PPARGC1A: variants seen among roughly 807,000 people sequenced by gnomAD.
The protein encoded by PPARGC1A is PPARG coactivator 1 alpha.
PPARGC1A carries 25 observed loss-of-function variants against 88.7 expected under a neutral mutation model. That is an observed-to-expected ratio of 0.28 (90% CI 0.21 to 0.39). The LOEUF (loss-of-function observed/expected upper bound fraction) is 0.39, where lower values mean the gene tolerates loss of function less well. Ranked by LOEUF, PPARGC1A falls within the 10% of genes least tolerant of loss-of-function variation. The pLI is 1.00. For missense variants in PPARGC1A, 880 were observed against 968.7 expected, an observed-to-expected ratio of 0.91 and a Z score of 1.22; for synonymous variants, 363 against 355.6, an observed-to-expected ratio of 1.02 and a Z score of -0.24.
the PPARGC1A span, among the ~76,000 whole-genome samples, chr4:24,387,297 A>G: frequency 4.6e-5 from 7 of 152,236 alleles, no homozygotes; most frequent in African/African-American, 1.7e-4. Flanking sequence ...ACCCTAGAAG[A>G]AAACCTAGAC....
chr4:24,168,901 G>T, the PPARGC1A span, among the ~76,000 whole-genome samples: 2 of 152,164 alleles, frequency 1.3e-5, no homozygotes, highest in Non-Finnish European at 2.9e-5. Flanking sequence ...TGCTGTCTTT[G>T]AGGCAGTAGA....
chr4:24,012,039 A>G, the PPARGC1A span, among the ~76,000 whole-genome samples: 1 of 152,308 alleles, frequency 6.6e-6, no homozygotes, highest in African/African-American at 2.4e-5. Flanking sequence ...ATCTGGTTTT[A>G]TATTATAACT....
the PPARGC1A span, among the ~76,000 whole-genome samples, chr4:23,932,065 G>C: frequency 6.6e-6 from 1 of 152,178 alleles, no homozygotes; most frequent in African/African-American, 2.4e-5. Flanking sequence ...CCATAGTGGT[G>C]GTGGTCATAG....
At chr4:24,204,978 C>G in the PPARGC1A span, among the ~76,000 whole-genome samples, 1 of 152,030 alleles carries the variant, frequency 6.6e-6, no homozygotes, top group Non-Finnish European at 1.5e-5. Context: ...CCCGCCACCA[C>G]GCCCAGCTAA....
At chr4:24,128,581 C>T in the PPARGC1A span, among the ~76,000 whole-genome samples, 1,111 of 126,444 alleles carry the variant, frequency 8.8e-3, 12 homozygotes, top group African/African-American at 0.032. Flanking sequence ...TGTGTGTGTG[C>T]ACGCGCATCT....
the PPARGC1A span, among the ~76,000 whole-genome samples, chr4:24,059,268 G>A: frequency 6.6e-6 from 1 of 152,102 alleles, no homozygotes; most frequent in Non-Finnish European, 1.5e-5. Context: ...ACAGCATCTG[G>A]CCTCACCAGA....
At chr4:24,393,131 C>G in the PPARGC1A span, among the ~76,000 whole-genome samples, 26 of 152,112 alleles carry the variant, frequency 1.7e-4, no homozygotes, top group Middle Eastern at 0.01. Context: ...CTACAAACTT[C>G]CTGGCAAAAT....
At chr4:24,329,835 A>G in the PPARGC1A span, among the ~76,000 whole-genome samples, 15 of 152,226 alleles carry the variant, frequency 9.9e-5, no homozygotes, top group African/African-American at 3.4e-4. Flanking sequence ...TTGACTGCCT[A>G]TGAGAGAATC....
chr4:24,290,214 T>C, the PPARGC1A span, among the ~76,000 whole-genome samples: 60 of 152,188 alleles, frequency 3.9e-4, no homozygotes, highest in Non-Finnish European at 7.9e-4. Flanking sequence ...CTTTTTTTTT[T>C]AAATTTATTT....
the PPARGC1A span, among the ~76,000 whole-genome samples, chr4:24,112,581 G>T: frequency 6.6e-6 from 1 of 152,102 alleles, no homozygotes; most frequent in African/African-American, 2.4e-5. Context: ...CAAATACAGG[G>T]CTATCTGCTT....
chr4:23,866,262 A>T, intron 2 of PPARGC1A: 1 of 152,210 alleles, frequency 6.6e-6, no homozygotes, highest in East Asian at 1.9e-4. Context: ...AAAAATAAAT[A>T]AAGCCCTAGA....
chr4:24,228,497 G>A, the PPARGC1A span, among the ~76,000 whole-genome samples: 1 of 152,072 alleles, frequency 6.6e-6, no homozygotes, highest in Non-Finnish European at 1.5e-5. Context: ...TATCAGGGTG[G>A]GCAGGGTAGA....
At chr4:23,851,581 A>C (rs918661744) in intron 2 of PPARGC1A, among the ~76,000 whole-genome samples, 1 of 152,220 alleles carries the variant, frequency 6.6e-6, no homozygotes, top group Non-Finnish European at 1.5e-5. Context: ...TTACTATCTA[A>C]GGTAATTTAC....
chr4:24,375,202 C>G, the PPARGC1A span, among the ~76,000 whole-genome samples: 5 of 152,012 alleles, frequency 3.3e-5, no homozygotes, highest in Non-Finnish European at 7.4e-5. Context: ...AAAGGAAAAT[C>G]AGGTTGAGTT....
the PPARGC1A span, among the ~76,000 whole-genome samples, chr4:24,286,457 A>G: frequency 6.6e-6 from 1 of 152,214 alleles, no homozygotes; most frequent in Non-Finnish European, 1.5e-5. Context: ...GAAAGTCTGT[A>G]GGTGGCTCCC....
the PPARGC1A span, among the ~76,000 whole-genome samples, chr4:23,975,450 C>T: frequency 6.6e-6 from 1 of 151,408 alleles, no homozygotes; most frequent in Non-Finnish European, 1.5e-5. Context: ...CAGAGTCTTG[C>T]TCTGTTGCCC....
chr4:24,222,419 A>G, the PPARGC1A span, among the ~76,000 whole-genome samples: 2 of 152,240 alleles, frequency 1.3e-5, no homozygotes, highest in Non-Finnish European at 2.9e-5. Flanking sequence ...AATAATAATA[A>G]TACTTATCTC....
intron 2 of PPARGC1A, among the ~76,000 whole-genome samples, chr4:23,843,945 T>C (rs1192860407): frequency 6.6e-6 from 1 of 152,004 alleles, no homozygotes; most frequent in Middle Eastern, 3.2e-3. Flanking sequence ...TAAGTATACA[T>C]ATATACATTT....
At chr4:24,466,867 T>C in the PPARGC1A span, among the ~76,000 whole-genome samples, 1 of 107,718 alleles carries the variant, frequency 9.3e-6, no homozygotes, top group Non-Finnish European at 1.7e-5. Flanking sequence ...TGAGCTAAGA[T>C]TGCACCACTG....
Sources: allele counts gnomAD v4.1 joint callset (sites outside exome capture counted in the v4.1 genomes callset), GRCh38; gene constraint gnomAD v4.1.1; transcripts MANE v1.5; gene names NCBI Gene and HGNC (gene_info 2026-07-23, HGNC 2026-07-21).